FAM135B: variants seen among roughly 807,000 people sequenced by gnomAD.
The protein encoded by FAM135B is protein FAM135B.
Under a neutral mutation model 127.7 loss-of-function variants are expected in FAM135B, and 43 were observed. The ratio of observed to expected loss-of-function variants is 0.34; its 90% CI spans 0.26 to 0.43. The LOEUF is 0.43. FAM135B is among the 20% of genes least tolerant of loss of function. The probability of loss-of-function intolerance (pLI) is 1.00; values close to 1 mark genes in which losing one functional copy is unlikely to be tolerated. For synonymous variants in FAM135B, 670 were observed against 665.1 expected (o/e 1.01, Z -0.11); for missense variants, 1,558 against 1,725.6 (o/e 0.90, Z 1.72).
chr8:138,355,585 G>GA (rs1206358649), intron 2 of FAM135B, among the ~76,000 whole-genome samples: 2 of 152,162 alleles, frequency 1.3e-5, no homozygotes, highest in African/African-American at 4.8e-5. Context: ...AGTTGGTTAA[G>GA]AAAGTATCTC....
intron 3 of FAM135B, among the ~76,000 whole-genome samples, chr8:138,294,965 A>C (rs1246229131): frequency 6.6e-6 from 1 of 152,162 alleles, no homozygotes; most frequent in Non-Finnish European, 1.5e-5. Flanking sequence ...CCTCTGGTTC[A>C]TAGTCAAATA....
At chr8:138,372,208 C>T (rs913582657) in intron 1 of FAM135B, among the ~76,000 whole-genome samples, 4 of 152,328 alleles carry the variant, frequency 2.6e-5, no homozygotes, top group African/African-American at 4.8e-5. Context: ...CACCTGAAGT[C>T]GGCACACCTG....
rs532189783 is a variant in FAM135B, at chr8:138,257,716, G to A, written c.298-957C>T. ...TTTAACGGTGCCTATTACAATTTTG[G>A]AGGCAGTGTTACAACCTGGAAGCCT... On this transcript the variant is annotated intron_variant, in intron 4 of 19. Transcript: ENST00000395297. Among the ~76,000 whole-genome samples, 17 of 152,078 alleles carry A rather than the reference G, an allele frequency of 1.1e-4. 1 individual carries two copies. In the South Asian group the frequency reaches 3.3e-3, roughly 30 times the overall value.
intron 1 of FAM135B, among the ~76,000 whole-genome samples, chr8:138,420,123 A>G (rs1834405521): frequency 1.3e-5 from 2 of 152,266 alleles, no homozygotes; most frequent in Non-Finnish European, 2.9e-5. Flanking sequence ...AAGGGAGAAG[A>G]TACACATAAT....
At chr8:138,202,157 T>A (rs1033594308) in intron 7 of FAM135B, among the ~76,000 whole-genome samples, 2 of 146,642 alleles carry the variant, frequency 1.4e-5, no homozygotes. Flanking sequence ...TCTCCCCTTC[T>A]GAGACTGAAG....
Position 138,152,431 on chromosome 8 carries a change from T to G in FAM135B, c.2044A>C (p.Ile682Leu). Reference protein sequence around the residue: ...LSGVIKRSSSIISDSGIESEP... With the variant: ...LSGVIKRSSSLISDSGIESEP... ...CTCTCAATGCCTGAATCAGATATGA[T>G]GGATGAAGATCTCTTGATGACCCCG... The change falls in exon 13 of 20, where the codon ATC (isoleucine) becomes CTC (leucine). Residue 682 changes from isoleucine (I) to leucine (L), a missense_variant. By Grantham distance (5) the Ile-to-Leu change is conservative (BLOSUM62 2). Around this residue, in one of 5 missense-constraint regions of FAM135B, gnomAD observed 923 missense variants for 865.3 expected, o/e 1.07. Coordinates refer to ENST00000395297, the MANE Select transcript of FAM135B (RefSeq NM_015912.4). The G allele has an allele frequency of 6.2e-7, 1 of 1,614,194 alleles. No individual in the cohort carries two copies. Among genetic ancestry groups the G allele is most frequent in the Non-Finnish European group, 8.5e-7 (1 of 1,180,040 alleles).
intron 15 of FAM135B, among the ~76,000 whole-genome samples, chr8:138,144,623 C>T (rs1817506139): frequency 6.6e-6 from 1 of 152,150 alleles, no homozygotes; most frequent in Non-Finnish European, 1.5e-5. Context: ...AACTCCCCAG[C>T]CAAGGCGTTT....
rs1817588568 is a variant in FAM135B at position 138,206,341 on chromosome 8, C to CCACAGCTCTATCATCCCCTCCACCTACA, written c.670-8673_670-8672insTGTAGGTGGAGGGGATGATAGAGCTGTG. On this transcript the variant is annotated intron_variant, in intron 7 of 19. Coordinates refer to ENST00000395297, the MANE Select transcript of FAM135B (RefSeq NM_015912.4). Reference sequence around the variant, plus strand: ...CAGCTCTATCATCCCCTCCACCTACCCACAACTCCAGCATCCCCTCCACCT... The same window carrying CCACAGCTCTATCATCCCCTCCACCTACA: ...CAGCTCTATCATCCCCTCCACCTACCCACAGCTCTATCATCCCCTCCACCTACACACAACTCCAGCATCCCCTCCACCT... Among the ~76,000 whole-genome samples the CCACAGCTCTATCATCCCCTCCACCTACA allele has an allele frequency of 8.0e-3, 106 of 13,226 alleles. 28 individuals carry two copies. The highest frequency in any genetic ancestry group is 9.1e-3 in the Non-Finnish European group (55 of 6,050). 8.7% of individuals were successfully genotyped at this position (13,226 alleles called of 152,430 possible).
intron 7 of FAM135B, among the ~76,000 whole-genome samples, chr8:138,200,221 C>T (rs1344714773): frequency 6.6e-6 from 1 of 152,236 alleles, no homozygotes; most frequent in Non-Finnish European, 1.5e-5. Context: ...TTAAGACATT[C>T]AGCAACGTTT....
intron 2 of FAM135B, among the ~76,000 whole-genome samples, chr8:138,340,834 A>G (rs1006177740): frequency 6.6e-5 from 10 of 152,038 alleles, no homozygotes; most frequent in Non-Finnish European, 1.3e-4. Flanking sequence ...TTCAAGGTTC[A>G]CTTTCTTGGC....
chr8:138,145,185 T>C (rs879691846), intron 15 of FAM135B, among the ~76,000 whole-genome samples: 3 of 152,030 alleles, frequency 2.0e-5, no homozygotes, highest in Middle Eastern at 3.2e-3. Flanking sequence ...CAAGCTAATT[T>C]TTGTATTTTT....
chr8:138,256,900 T>G (rs1822140285), intron 4 of FAM135B, 141 bp from the exon 5 acceptor site: 1 of 687,696 alleles, frequency 1.5e-6, no homozygotes, highest in Non-Finnish European at 2.6e-6. Context: ...AGAATTTCCA[T>G]GCATGTTTCA....
At chr8:138,313,484 G>A (rs369686775) in intron 2 of FAM135B, among the ~76,000 whole-genome samples, 1 of 151,806 alleles carries the variant, frequency 6.6e-6, no homozygotes, top group Admixed American at 6.6e-5. Context: ...ACTTGGTACA[G>A]AGAACATGAA....
intron 3 of FAM135B, chr8:138,309,176 C>T (rs115544670): frequency 7.4e-4 from 219 of 297,294 alleles, no homozygotes; most frequent in African/African-American, 3.2e-3. Flanking sequence ...CACTGGTTCA[C>T]GCAGGGCAGG....
intron 1 of FAM135B, among the ~76,000 whole-genome samples, chr8:138,427,725 C>T (rs925173238): frequency 5.3e-5 from 8 of 152,072 alleles, no homozygotes; most frequent in African/African-American, 1.7e-4. Flanking sequence ...CTATGTCAAT[C>T]GAGCCCTAGA....
At chr8:138,368,220 A>AG (rs1830885829) in intron 1 of FAM135B, among the ~76,000 whole-genome samples, 1 of 152,212 alleles carries the variant, frequency 6.6e-6, no homozygotes, top group Non-Finnish European at 1.5e-5. Context: ...GCCAGGAGTT[A>AG]GACCCAGGTG....
At chr8:138,396,820 G>A (rs190787543) in intron 1 of FAM135B, among the ~76,000 whole-genome samples, 272 of 152,214 alleles carry the variant, frequency 1.8e-3, no homozygotes, top group Non-Finnish European at 3.0e-3. Flanking sequence ...TGCAAATAAG[G>A]AAGCCCATCT....
chr8:138,251,545 C>A (rs560694929), intron 5 of FAM135B, among the ~76,000 whole-genome samples: 1 of 152,274 alleles, frequency 6.6e-6, no homozygotes, highest in African/African-American at 2.4e-5. Flanking sequence ...AAATGAACAA[C>A]TGACTGACTG....
rs2130774317 is a variant in FAM135B at position 138,152,567 on chromosome 8, G to T, written c.1908C>A (p.Thr636=). 3.1e-6 allele frequency: 5 copies of T among 1,614,102 alleles called. No homozygotes were observed. The highest frequency in any genetic ancestry group is 4.2e-6 in the Non-Finnish European group (5 of 1,180,010). ...TTAGTGGATCACAGGGCTCAGAGGG[G>T]GTGAGTTTCAAGCTTAGCAGCACCA... is the stretch of plus-strand genomic sequence containing the variant. ...GKMVLLSLKL[T]PSEPCDPLSS... Residue 636 remains threonine (T), a synonymous_variant, in exon 13 of 20, where the codon ACC becomes ACA. Coordinates refer to ENST00000395297, the MANE Select transcript of FAM135B (RefSeq NM_015912.4).
Sources: allele counts gnomAD v4.1 joint callset (sites outside exome capture counted in the v4.1 genomes callset), GRCh38; gene constraint gnomAD v4.1.1; regional missense constraint gnomAD v4.1.1; transcripts MANE v1.5; gene names NCBI Gene and HGNC (gene_info 2026-07-23, HGNC 2026-07-21).